Variants in CACNA2D3 observed in about 807,000 individuals in gnomAD.
CACNA2D3 encodes calcium voltage-gated channel auxiliary subunit alpha2delta 3, also known as voltage-dependent calcium channel subunit alpha-2/delta-3.
Under a neutral mutation model 160.6 loss-of-function variants are expected in CACNA2D3, and 60 were observed. That is an observed-to-expected ratio of 0.37 (90% CI 0.30 to 0.46). The LOEUF is 0.46. CACNA2D3 is among the 20% of genes least tolerant of loss of function. The pLI is 1.00. For synonymous variants in CACNA2D3, 558 were observed against 492.9 expected (o/e 1.13, Z -1.75); for missense variants, 1,205 against 1,365.0 (o/e 0.88, Z 1.85).
chr3:54,952,355 T>G (rs566726757), intron 27 of CACNA2D3, among the ~76,000 whole-genome samples: 1 of 152,288 alleles, frequency 6.6e-6, no homozygotes, highest in East Asian at 1.9e-4. Flanking sequence ...AGTTGTCTTA[T>G]TTCTTCAGAG....
chr3:54,419,717 T>C (rs865802070), intron 4 of CACNA2D3, among the ~76,000 whole-genome samples: 1 of 152,320 alleles, frequency 6.6e-6, no homozygotes, highest in South Asian at 2.1e-4. Flanking sequence ...CTCTTAGACA[T>C]ATCTTAGCAC....
At chr3:54,498,517 T>C (rs1293118580) in intron 4 of CACNA2D3, among the ~76,000 whole-genome samples, 2 of 152,002 alleles carry the variant, frequency 1.3e-5, no homozygotes, top group Non-Finnish European at 2.9e-5. Context: ...TTGTTAATTA[T>C]ATTAACCAAA....
intron 5 of CACNA2D3, among the ~76,000 whole-genome samples, chr3:54,505,932 C>T (rs1473528497): frequency 2.6e-5 from 4 of 152,132 alleles, no homozygotes; most frequent in South Asian, 2.1e-4. Flanking sequence ...TTTTTTGAGC[C>T]GTTGGATGTA....
intron 11 of CACNA2D3, among the ~76,000 whole-genome samples, chr3:54,700,874 C>T (rs1018953678): frequency 9.9e-5 from 15 of 152,140 alleles, no homozygotes; most frequent in African/African-American, 3.6e-4. Context: ...CAAAACTGTT[C>T]AGTGAAAAAA....
intron 13 of CACNA2D3, among the ~76,000 whole-genome samples, chr3:54,765,116 G>A (rs1702198145): frequency 1.3e-5 from 2 of 152,114 alleles, no homozygotes; most frequent in African/African-American, 4.8e-5. Flanking sequence ...ATTAATCACT[G>A]TAACCCAGAC....
intron 5 of CACNA2D3, among the ~76,000 whole-genome samples, chr3:54,510,752 A>G (rs941307125): frequency 7.2e-5 from 11 of 152,148 alleles, no homozygotes; most frequent in African/African-American, 2.4e-4. Flanking sequence ...CTGTTTCTTC[A>G]TCTGTAAGAT....
chr3:55,038,477 A>G (rs1461958611), intron 35 of CACNA2D3, among the ~76,000 whole-genome samples: 2 of 152,146 alleles, frequency 1.3e-5, no homozygotes, highest in Admixed American at 6.5e-5. Flanking sequence ...GCACATACAA[A>G]TTTGCATCTA....
rs1211400412 is a variant in CACNA2D3 at position 54,924,883 on chromosome 3, C to G, written c.2449+25015C>G. ...GGGAGGGAATGGAAAAGTCTGCTTT[C>G]CAGGGAAAGGAGTGAATTCTGGGTT... On this transcript the variant is annotated intron_variant, in intron 27 of 37. Transcript: ENST00000474759. 1.9e-6 allele frequency: 3 copies of G among 1,613,728 alleles called. No individual in the cohort carries two copies. In the Admixed American group the frequency reaches 5.0e-5, roughly 27 times the overall value.
chr3:54,915,317 A>G (rs1170757556), intron 27 of CACNA2D3, among the ~76,000 whole-genome samples: 1 of 152,150 alleles, frequency 6.6e-6, no homozygotes, highest in Admixed American at 6.5e-5. Flanking sequence ...CAGCTACAAT[A>G]TCTGTGAATT....
At chr3:54,291,842 A>G (rs1219083637) in intron 2 of CACNA2D3, among the ~76,000 whole-genome samples, 5 of 152,188 alleles carry the variant, frequency 3.3e-5, no homozygotes, top group Non-Finnish European at 7.3e-5. Context: ...TCATTCAACT[A>G]TTGAGTAAAT....
At chr3:54,295,702 T>C (rs920732414) in intron 2 of CACNA2D3, among the ~76,000 whole-genome samples, 1 of 152,194 alleles carries the variant, frequency 6.6e-6, no homozygotes, top group Non-Finnish European at 1.5e-5. Context: ...GAGGAAGCAA[T>C]CAGATATCCA....
chr3:54,283,158 G>A (rs1241500797), intron 2 of CACNA2D3, among the ~76,000 whole-genome samples: 3 of 152,220 alleles, frequency 2.0e-5, no homozygotes, highest in Non-Finnish European at 4.4e-5. Context: ...TTAGTGAGAA[G>A]TAATGTTGTC....
rs1436623529 is a variant in CACNA2D3, at chr3:54,885,170, G to T, written c.1913-111G>T. On this transcript the variant is annotated intron_variant, in intron 21 of 37. Transcript: ENST00000474759. ...GCTGCTCCAAGGCAGGTCCCTTAGG[G>T]TTGATGTCTACCCTTAACCCACCCC... 2.9e-6 allele frequency: 3 copies of T among 1,048,736 alleles called. No homozygotes were observed. In the African/African-American group the frequency reaches 4.7e-5, roughly 16 times the overall value. 65.0% of individuals were successfully genotyped at this position (1,048,736 alleles called of 1,614,324 possible).
chr3:54,603,731 A>G (rs1559524095), intron 9 of CACNA2D3, among the ~76,000 whole-genome samples: 2 of 152,206 alleles, frequency 1.3e-5, no homozygotes, highest in Non-Finnish European at 1.5e-5. Context: ...AAGCCCGACA[A>G]TTTCTTACTA....
At chr3:55,054,445 G>T (rs1704313792) in intron 35 of CACNA2D3, among the ~76,000 whole-genome samples, 1 of 151,686 alleles carries the variant, frequency 6.6e-6, no homozygotes, top group Non-Finnish European at 1.5e-5. Context: ...AACACTCAGT[G>T]AATTTTGGAT....
At chr3:54,354,725 A>AC (rs1698619914) in intron 3 of CACNA2D3, among the ~76,000 whole-genome samples, 2 of 152,204 alleles carry the variant, frequency 1.3e-5, no homozygotes, top group African/African-American at 2.4e-5. Context: ...GGGATCTAAG[A>AC]CCACGTCTGC....
chr3:54,686,781 T>TA (rs1333674169), intron 11 of CACNA2D3, among the ~76,000 whole-genome samples: 36 of 152,236 alleles, frequency 2.4e-4, no homozygotes, highest in African/African-American at 7.2e-4. Flanking sequence ...TTGCTGTGAT[T>TA]AAAAAAACAA....
At chr3:54,824,561 G>A (rs17766928) in intron 14 of CACNA2D3, among the ~76,000 whole-genome samples, 3,412 of 152,312 alleles carry the variant, frequency 0.022, 58 homozygotes, top group South Asian at 0.035. Context: ...GGAGCCCATC[G>A]CTCTTAAGAC....
At chr3:54,458,069 A>G (rs1251927858) in intron 4 of CACNA2D3, among the ~76,000 whole-genome samples, 1 of 151,966 alleles carries the variant, frequency 6.6e-6, no homozygotes, top group Non-Finnish European at 1.5e-5. Context: ...AATTTAATTC[A>G]TTTACATTTA....
Sources: allele counts gnomAD v4.1 joint callset (sites outside exome capture counted in the v4.1 genomes callset), GRCh38; gene constraint gnomAD v4.1.1; transcripts MANE v1.5; gene names NCBI Gene and HGNC (gene_info 2026-07-23, HGNC 2026-07-21).